ARHGAP42: variants seen among roughly 807,000 people sequenced by gnomAD.
ARHGAP42 encodes Rho GTPase activating protein 42, also known as rho GTPase-activating protein 42.
ARHGAP42 carries 63 observed loss-of-function variants against 125.0 expected under a neutral mutation model. The observed-to-expected ratio is 0.50, with a 90% confidence interval of 0.41 to 0.62. The LOEUF is 0.62. Among genes scored for constraint, ARHGAP42 ranks in the 20% least tolerant of loss-of-function variants. ARHGAP42 has a pLI of 0.00. For missense variants in ARHGAP42, 766 were observed against 1,024.2 expected, an observed-to-expected ratio of 0.75 and a Z score of 3.44; for synonymous variants, 339 against 351.0, an observed-to-expected ratio of 0.97 and a Z score of 0.38.
intron 4 of ARHGAP42, among the ~76,000 whole-genome samples, chr11:100,903,939 T>G (rs557664747): frequency 3.2e-4 from 48 of 151,658 alleles, no homozygotes; most frequent in African/African-American, 1.0e-3. Flanking sequence ...AGACTAGGCC[T>G]GTCTCTCCTT....
intron 2 of ARHGAP42, among the ~76,000 whole-genome samples, chr11:100,792,994 C>T (rs781670613): frequency 2.6e-5 from 4 of 151,990 alleles, no homozygotes; most frequent in African/African-American, 9.7e-5. Flanking sequence ...GACCTCGTGA[C>T]CTGCACTCCT....
intron 4 of ARHGAP42, among the ~76,000 whole-genome samples, chr11:100,903,619 C>T (rs1168599616): frequency 6.7e-6 from 1 of 149,826 alleles, no homozygotes; most frequent in Non-Finnish European, 1.5e-5. Context: ...CTTGTCTTCC[C>T]ACAGCTCCAA....
chr11:100,726,221 G>A (rs1397898584), intron 1 of ARHGAP42, among the ~76,000 whole-genome samples: 1 of 152,132 alleles, frequency 6.6e-6, no homozygotes, highest in African/African-American at 2.4e-5. Context: ...GCAAGCTTTC[G>A]GATTCTGCCC....
chr11:100,763,558 A>G (rs1591161211), intron 1 of ARHGAP42, among the ~76,000 whole-genome samples: 1 of 151,604 alleles, frequency 6.6e-6, no homozygotes, highest in Admixed American at 6.6e-5. Flanking sequence ...CATGATCTTG[A>G]CTGGCTGCAA....
Position 100,992,864 on chromosome 11 carries a change from T to TCTGTGG in ARHGAP42, c.*4063_*4064insCTGTGG. ...ATGTCCTAGACCAATGATTACAAGGTGTCTGTGGTTTAGGGGGCCCAGCCC... is the reference window on the plus strand; with the variant it reads ...ATGTCCTAGACCAATGATTACAAGGTCTGTGGGTCTGTGGTTTAGGGGGCCCAGCCC... On this transcript the variant is annotated 3_prime_UTR_variant, in exon 24 of 24. Coordinates refer to ENST00000298815, the MANE Select transcript of ARHGAP42 (RefSeq NM_152432.4). 4.3e-6 allele frequency: 3 copies of TCTGTGG among 701,614 alleles called. No individual in the cohort carries two copies. Among genetic ancestry groups the TCTGTGG allele is most frequent in the African/African-American group, 1.8e-5 (1 of 54,540 alleles). The allele number at this position is 701,614 out of a possible 1,614,324, so 43.5% of individuals were successfully genotyped here.
chr11:100,759,074 A>G (rs1282166713), intron 1 of ARHGAP42, among the ~76,000 whole-genome samples: 2 of 152,068 alleles, frequency 1.3e-5, no homozygotes, highest in Admixed American at 6.6e-5. Flanking sequence ...GATCATTTTT[A>G]TAGTGGATGT....
chr11:100,992,562 A>G lies in ARHGAP42; in HGVS notation c.*3761A>G, dbSNP rs185793193. 1.2e-3 allele frequency: 1,956 copies of G among 1,614,068 alleles called. 22 individuals carry two copies. Among genetic ancestry groups the G allele is most frequent in the Non-Finnish European group, 2.1e-4 (248 of 1,179,978 alleles). The stretch of plus-strand genomic sequence containing the variant: ...TGTCTCCTGTTGATTCGCAGATGTA[A>G]TATCGAGTATTCATCAACTGGTCTC... On this transcript the variant is annotated 3_prime_UTR_variant, in exon 24 of 24. Transcript: ENST00000298815.
chr11:100,966,554 C>G (rs1858099924), intron 17 of ARHGAP42, among the ~76,000 whole-genome samples: 1 of 151,998 alleles, frequency 6.6e-6, no homozygotes, highest in African/African-American at 2.4e-5. Flanking sequence ...TGAGGCCCAC[C>G]TACATTTTGG....
Position 100,952,418 on chromosome 11 carries a change from A to C in ARHGAP42, c.1162+2462A>C, listed in dbSNP as rs558841748. On this transcript the variant is annotated intron_variant, in intron 12 of 23. Coordinates refer to ENST00000298815, the MANE Select transcript of ARHGAP42 (RefSeq NM_152432.4). ...ATCACTTTATAAATGCAGATTAAGT[A>C]TTATGTTGAAATTAAGTATTGTAAA... Among the ~76,000 whole-genome samples the C allele has an allele frequency of 2.6e-5, 4 of 152,308 alleles. No individual in the cohort carries two copies. The South Asian group carries it at 8.3e-4, about 32-fold the overall frequency.
intron 6 of ARHGAP42, among the ~76,000 whole-genome samples, chr11:100,923,450 T>C (rs191543215): frequency 6.6e-6 from 1 of 152,296 alleles, no homozygotes; most frequent in African/African-American, 2.4e-5. Context: ...GAAGATGATA[T>C]GGGAGTCACT....
At chr11:100,982,454 A>G (rs753228095) in intron 22 of ARHGAP42, among the ~76,000 whole-genome samples, 11 of 152,216 alleles carry the variant, frequency 7.2e-5, no homozygotes, top group African/African-American at 1.2e-4. Context: ...AACCTTTGGA[A>G]TAGAGAAAAA....
intron 19 of ARHGAP42, 85 bp from the exon 20 acceptor site, chr11:100,975,972 A>T: frequency 1.4e-6 from 2 of 1,399,912 alleles, no homozygotes; most frequent in Non-Finnish European, 1.9e-6. Flanking sequence ...AACACATGGT[A>T]AGTTGGAGAA....
intron 3 of ARHGAP42, among the ~76,000 whole-genome samples, chr11:100,853,097 AT>A (rs1481846824): frequency 6.6e-6 from 1 of 152,170 alleles, no homozygotes; most frequent in African/African-American, 2.4e-5. Context: ...ATTCTATAAA[AT>A]TGCTTTCTTA....
chr11:100,849,423 T>C (rs978239617), intron 3 of ARHGAP42, among the ~76,000 whole-genome samples: 2 of 152,186 alleles, frequency 1.3e-5, no homozygotes, highest in South Asian at 2.1e-4. Flanking sequence ...TAGCTATGAC[T>C]AAGAGCCTGT....
intron 3 of ARHGAP42, among the ~76,000 whole-genome samples, chr11:100,843,198 C>A (rs1173448612): frequency 2.0e-5 from 3 of 151,902 alleles, no homozygotes; most frequent in Non-Finnish European, 4.4e-5. Flanking sequence ...CCTTTACATG[C>A]ATAAACTAGA....
At chr11:100,982,313 A>G (rs180949977) in intron 22 of ARHGAP42, among the ~76,000 whole-genome samples, 1 of 152,296 alleles carries the variant, frequency 6.6e-6, no homozygotes, top group African/African-American at 2.4e-5. Context: ...CCATGCTGCA[A>G]GACTTGTTAA....
chr11:100,862,900 GGT>G (rs1555013516), intron 4 of ARHGAP42, among the ~76,000 whole-genome samples: 21,466 of 151,618 alleles, frequency 0.14, 1,716 homozygotes, highest in African/African-American at 0.23. Context: ...AGCCAGGCGG[GGT>G]GGTGCATGCC....
intron 1 of ARHGAP42, among the ~76,000 whole-genome samples, chr11:100,703,057 T>C (rs1456193051): frequency 1.3e-5 from 2 of 152,158 alleles, no homozygotes; most frequent in African/African-American, 4.8e-5. Context: ...GAGCATGAGA[T>C]GGAAGAGTAT....
At chr11:100,966,162 TA>T (rs1163293137) in intron 17 of ARHGAP42, among the ~76,000 whole-genome samples, 1 of 152,118 alleles carries the variant, frequency 6.6e-6, no homozygotes, top group Non-Finnish European at 1.5e-5. Context: ...TAGGTCAAAC[TA>T]ACACTTAACT....
Sources: gnomAD v4.1 joint callset for allele counts (sites outside exome capture counted in the v4.1 genomes callset) on GRCh38, gnomAD v4.1.1 for gene constraint, MANE v1.5 for transcripts, NCBI Gene and HGNC (gene_info 2026-07-23, HGNC 2026-07-21) for gene names.